The following METTL25 variants were observed in gnomAD, a reference collection of about 807,000 sequenced individuals.
METTL25 encodes the protein methyltransferase like 25, also known as probable methyltransferase-like protein 25.
METTL25 carries 64 observed loss-of-function variants against 71.6 expected under a neutral mutation model. The observed-to-expected ratio is 0.89, with a 90% CI of 0.73 to 1.10. The LOEUF (loss-of-function observed/expected upper bound fraction) is 1.10. Ranked by LOEUF, METTL25 falls within the 50% of genes least tolerant of loss-of-function variation. The probability of loss-of-function intolerance (pLI) is 0.00; values close to 1 mark genes in which losing one functional copy is unlikely to be tolerated. For synonymous variants in METTL25, 287 were observed against 250.3 expected (o/e 1.15, Z -1.38); for missense variants, 807 against 707.0 (o/e 1.14, Z -1.60).
intron 1 of METTL25, among the ~76,000 whole-genome samples, chr12:82,379,753 A>C (rs1884245788): frequency 6.6e-6 from 1 of 152,298 alleles, no homozygotes; most frequent in Admixed American, 6.5e-5. Context: ...ACAGAAACTG[A>C]GTAATTCTTG....
intron 1 of METTL25, among the ~76,000 whole-genome samples, chr12:82,365,148 C>T (rs1714508231): frequency 6.6e-6 from 1 of 152,066 alleles, no homozygotes; most frequent in African/African-American, 2.4e-5. Flanking sequence ...CTTGCACATA[C>T]CTAGTACTCA....
intron 1 of METTL25, among the ~76,000 whole-genome samples, chr12:82,365,649 G>A (rs1475370942): frequency 6.6e-6 from 1 of 152,172 alleles, no homozygotes; most frequent in East Asian, 1.9e-4. Context: ...TTGTTTAATG[G>A]AATCTAGAAA....
intron 5 of METTL25, among the ~76,000 whole-genome samples, chr12:82,415,854 G>A (rs1249451377): frequency 6.6e-6 from 1 of 152,016 alleles, no homozygotes; most frequent in Non-Finnish European, 1.5e-5. Context: ...CCAGATATCC[G>A]GGCATCCCAT....
chr12:82,389,756 C>A, intron 2 of METTL25, 60 bp from the exon 3 acceptor site: 1 of 967,546 alleles, frequency 1.0e-6, no homozygotes, highest in Non-Finnish European at 1.6e-6. Context: ...GAACATCTAA[C>A]TGATAATTCC....
At chr12:82,424,358 G>T (rs1888800956) in intron 5 of METTL25, among the ~76,000 whole-genome samples, 1 of 152,034 alleles carries the variant, frequency 6.6e-6, no homozygotes, top group Admixed American at 6.6e-5. Flanking sequence ...GACACAGGAA[G>T]GGGAGCATCA....
At chr12:82,388,125 T>G (rs978084081) in intron 2 of METTL25, among the ~76,000 whole-genome samples, 6 of 152,140 alleles carry the variant, frequency 3.9e-5, no homozygotes, top group Admixed American at 6.6e-5. Flanking sequence ...TAGATTCAGG[T>G]TATGCATTTT....
At position 82,479,048 on chromosome 12, in the gene METTL25, A is replaced by G; in HGVS notation, c.*24A>G. On this transcript the variant is annotated 3_prime_UTR_variant, in exon 12 of 12. Transcript: ENST00000248306. Reference sequence around the variant, plus strand: ...GATTTCCATTGAAGCAAATTATTAGATGTATTTCTCTATGAGACCTGTTGC... The same window carrying G: ...GATTTCCATTGAAGCAAATTATTAGGTGTATTTCTCTATGAGACCTGTTGC... The G allele has an allele frequency of 6.3e-7, 1 of 1,596,076 alleles. No homozygotes were observed. The highest frequency in any genetic ancestry group is 8.6e-7 in the Non-Finnish European group (1 of 1,164,482).
At chr12:82,457,693 A>T (rs1425827473) in intron 9 of METTL25, among the ~76,000 whole-genome samples, 1 of 151,980 alleles carries the variant, frequency 6.6e-6, no homozygotes, top group Non-Finnish European at 1.5e-5. Flanking sequence ...GTATATAGTA[A>T]ATGCTAACTA....
chr12:82,443,932 T>A (rs1890552396), intron 8 of METTL25, among the ~76,000 whole-genome samples: 1 of 152,088 alleles, frequency 6.6e-6, no homozygotes, highest in South Asian at 2.1e-4. Flanking sequence ...GGATCAAATT[T>A]CAACATGAGG....
intron 5 of METTL25, among the ~76,000 whole-genome samples, chr12:82,422,300 A>T (rs1205610107): frequency 6.6e-6 from 1 of 152,210 alleles, no homozygotes; most frequent in Non-Finnish European, 1.5e-5. Flanking sequence ...CAAAAACCAC[A>T]TGATTATCTC....
At chr12:82,374,135 G>A (rs534961721) in intron 1 of METTL25, 1 of 164,726 alleles carries the variant, frequency 6.1e-6, no homozygotes, top group Non-Finnish European at 1.3e-5. Flanking sequence ...GATATGTCCA[G>A]AGTTTCTTCC....
intron 8 of METTL25, among the ~76,000 whole-genome samples, chr12:82,441,554 A>AG: frequency 6.6e-6 from 1 of 151,974 alleles, no homozygotes; most frequent in South Asian, 2.1e-4. Context: ...AAAAGACAAA[A>AG]GGTAAAGAGA....
At chr12:82,447,597 AC>A (rs62934062) in intron 8 of METTL25, among the ~76,000 whole-genome samples, 13,422 of 152,184 alleles carry the variant, frequency 0.088, 789 homozygotes, top group Non-Finnish European at 0.13. Context: ...AGTAAGGTAA[AC>A]ACAAGATTCA....
chr12:82,402,905 G>T (rs540969729), intron 4 of METTL25, 78 bp from the exon 5 acceptor site: 237 of 1,069,604 alleles, frequency 2.2e-4, no homozygotes, highest in Middle Eastern at 1.6e-3. Context: ...GCAAGATCCT[G>T]TATGTAAAAA....
intron 8 of METTL25, chr12:82,451,178 T>A (rs185693639): frequency 1.5e-5 from 5 of 339,652 alleles, no homozygotes; most frequent in African/African-American, 1.1e-4. Flanking sequence ...GTGCAATGAT[T>A]CTGTGAAAAT....
chr12:82,360,899 C>T (rs140789283), intron 1 of METTL25, among the ~76,000 whole-genome samples: 1,559 of 152,202 alleles, frequency 0.01, 19 homozygotes, highest in Non-Finnish European at 0.012. Flanking sequence ...TTCCTTCTGG[C>T]GGGTTCGTGG....
At position 82,438,673 on chromosome 12, in the gene METTL25, G is replaced by GT. The variant is rs199570487; in HGVS notation, c.1405-37dup. 2.4e-3 allele frequency: 2,930 copies of GT among 1,239,342 alleles called. 29 individuals carry two copies. In the African/African-American group the frequency reaches 0.035, roughly 15 times the overall value. The allele number at this position is 1,239,342 out of a possible 1,614,324, so 76.8% of individuals were successfully genotyped here. On this transcript the variant is annotated intron_variant, in intron 7 of 11. Coordinates refer to ENST00000248306, the MANE Select transcript of METTL25 (RefSeq NM_032230.3). ...ACATTCTGGTATTTATTTTATTTCT[G>GT]TTTTTTTTGTTTCTTGTGCTTATAT...
At chr12:82,422,790 T>C (rs1380281712) in intron 5 of METTL25, among the ~76,000 whole-genome samples, 4 of 152,108 alleles carry the variant, frequency 2.6e-5, no homozygotes, top group Non-Finnish European at 4.4e-5. Flanking sequence ...TGAACTCCCA[T>C]TCACAATTGC....
chr12:82,465,254 C>G (rs1247805498), intron 9 of METTL25, among the ~76,000 whole-genome samples: 1 of 151,718 alleles, frequency 6.6e-6, no homozygotes. Context: ...CATATATGGC[C>G]TTTATTATGT....
Sources: gnomAD v4.1 joint callset for allele counts (sites outside exome capture counted in the v4.1 genomes callset) on GRCh38, gnomAD v4.1.1 for gene constraint, MANE v1.5 for transcripts, NCBI Gene and HGNC (gene_info 2026-07-23, HGNC 2026-07-21) for gene names.